Variants in EYS observed in about 807,000 individuals in gnomAD.
EYS encodes the protein protein eyes shut homolog.
EYS carries 250 observed loss-of-function variants against 282.1 expected under a neutral mutation model. The observed-to-expected ratio is 0.89, with a 90% confidence interval of 0.80 to 0.98. EYS has a LOEUF of 0.98. EYS is among the 50% of genes least tolerant of loss of function. The probability of loss-of-function intolerance (pLI) is 0.00; values close to 1 mark genes in which losing one functional copy is unlikely to be tolerated. For missense variants in EYS, 4,016 were observed against 3,709.0 expected, an observed-to-expected ratio of 1.08 and a Z score of -2.15; for synonymous variants, 1,355 against 1,282.9, an observed-to-expected ratio of 1.06 and a Z score of -1.20.
chr6:64,687,548 C>T (rs907778507), intron 22 of EYS, among the ~76,000 whole-genome samples: 1 of 152,126 alleles, frequency 6.6e-6, no homozygotes, highest in Admixed American at 6.5e-5. Flanking sequence ...GTTGAACCAG[C>T]CTTACATCCC....
chr6:63,845,337 C>T (rs2149699744), intron 36 of EYS, among the ~76,000 whole-genome samples: 1 of 151,866 alleles, frequency 6.6e-6, no homozygotes, highest in African/African-American at 2.4e-5. Flanking sequence ...TTACACAACA[C>T]TAACAGTTCA....
At chr6:64,094,291 C>CT (rs200036166) in intron 31 of EYS, among the ~76,000 whole-genome samples, 10,760 of 152,042 alleles carry the variant, frequency 0.071, 519 homozygotes, top group African/African-American at 0.14. Context: ...AGGAGGATTC[C>CT]TTTTTTTTCT....
chr6:63,926,359 A>T (rs893708911), intron 35 of EYS, among the ~76,000 whole-genome samples: 1 of 152,174 alleles, frequency 6.6e-6, no homozygotes, highest in Non-Finnish European at 1.5e-5. Flanking sequence ...AAGGGCCCTT[A>T]GCATTGTTAT....
At chr6:64,327,025 G>C (rs1487219283) in intron 29 of EYS, among the ~76,000 whole-genome samples, 1 of 152,136 alleles carries the variant, frequency 6.6e-6, no homozygotes, top group Non-Finnish European at 1.5e-5. Flanking sequence ...CCACGAGTCA[G>C]AAAGGAAAAC....
chr6:64,558,082 C>A (rs1765286889), intron 26 of EYS, among the ~76,000 whole-genome samples: 1 of 152,018 alleles, frequency 6.6e-6, no homozygotes, highest in Non-Finnish European at 1.5e-5. Flanking sequence ...TTCTCTTTAA[C>A]TTTTGAACTG....
chr6:64,881,979 T>C (rs975142730), intron 19 of EYS, among the ~76,000 whole-genome samples: 1 of 151,800 alleles, frequency 6.6e-6, no homozygotes, highest in Non-Finnish European at 1.5e-5. Flanking sequence ...CAAAGTGCAA[T>C]TTCAATGTGT....
chr6:65,563,897 A>G (rs563305025), intron 2 of EYS, among the ~76,000 whole-genome samples: 14 of 152,148 alleles, frequency 9.2e-5, no homozygotes, highest in Non-Finnish European at 1.8e-4. Flanking sequence ...CTCAGCCCAA[A>G]ATCTCCTTAA....
intron 26 of EYS, among the ~76,000 whole-genome samples, chr6:64,467,427 C>T (rs554701706): frequency 1.3e-5 from 2 of 152,230 alleles, no homozygotes; most frequent in East Asian, 1.9e-4. Context: ...CAATTGTATG[C>T]TTACATCCTG....
intron 13 of EYS, among the ~76,000 whole-genome samples, chr6:65,033,714 T>G (rs1230141271): frequency 6.6e-6 from 1 of 152,186 alleles, no homozygotes; most frequent in Non-Finnish European, 1.5e-5. Context: ...AGAAGCCTGT[T>G]GCAGGGGCAG....
At chr6:63,812,501 GTTAT>G (rs1466479357) in intron 36 of EYS, among the ~76,000 whole-genome samples, 3 of 152,100 alleles carry the variant, frequency 2.0e-5, no homozygotes, top group African/African-American at 7.2e-5. Flanking sequence ...TCCATTATAT[GTTAT>G]TTGTTTACTT....
At chr6:63,788,381 A>G (rs1770422584) in intron 38 of EYS, 132 bp from the exon 39 acceptor site, 3 of 664,178 alleles carry the variant, frequency 4.5e-6, no homozygotes, top group African/African-American at 1.9e-5. Flanking sequence ...AAGAAATAAC[A>G]TGATACCACT....
chr6:65,156,738 G>A (rs969403269), intron 12 of EYS, among the ~76,000 whole-genome samples: 2 of 150,798 alleles, frequency 1.3e-5, no homozygotes, highest in Non-Finnish European at 1.5e-5. Context: ...TTGCTCTTTG[G>A]TACTTAAACT....
At chr6:64,926,554 G>A (rs1412027051) in intron 15 of EYS, among the ~76,000 whole-genome samples, 1 of 152,136 alleles carries the variant, frequency 6.6e-6, no homozygotes, top group Non-Finnish European at 1.5e-5. Flanking sequence ...CATCATGGAG[G>A]CAATCACTCT....
intron 35 of EYS, among the ~76,000 whole-genome samples, chr6:63,962,764 T>C (rs576169635): frequency 6.6e-6 from 1 of 152,288 alleles, no homozygotes; most frequent in Admixed American, 6.5e-5. Context: ...ACTGGGTATA[T>C]ACCCAAAGGA....
At chr6:63,982,783 G>A (rs1040264981) in intron 35 of EYS, among the ~76,000 whole-genome samples, 1 of 151,772 alleles carries the variant, frequency 6.6e-6, no homozygotes, top group Admixed American at 6.6e-5. Context: ...GGCCATAGTA[G>A]GGTATGTTCA....
chr6:64,912,353 T>C (rs759476500), intron 16 of EYS, 131 bp downstream of exon 16: 261 of 677,732 alleles, frequency 3.9e-4, no homozygotes, highest in Non-Finnish European at 5.5e-4. Flanking sequence ...TGAAGTTAGA[T>C]AGTCCCCTAC....
At chr6:64,197,252 G>T (rs1049903549) in intron 31 of EYS, among the ~76,000 whole-genome samples, 1 of 152,006 alleles carries the variant, frequency 6.6e-6, no homozygotes, top group Non-Finnish European at 1.5e-5. Context: ...TGAGAGAGGC[G>T]ATTTTCTTAG....
intron 35 of EYS, among the ~76,000 whole-genome samples, chr6:63,982,175 T>C (rs1767130664): frequency 6.6e-6 from 1 of 151,852 alleles, no homozygotes; most frequent in African/African-American, 2.4e-5. Context: ...GAGTTGGTAA[T>C]GTTAGACACT....
chr6:65,157,976 A>G (rs553378078), intron 12 of EYS, among the ~76,000 whole-genome samples: 1 of 151,016 alleles, frequency 6.6e-6, no homozygotes, highest in East Asian at 2.0e-4. Flanking sequence ...CATTAATGCT[A>G]TGTTATACTA....
Sources: gnomAD v4.1 joint callset for allele counts (sites outside exome capture counted in the v4.1 genomes callset) on GRCh38, gnomAD v4.1.1 for gene constraint, MANE v1.5 for transcripts, NCBI Gene and HGNC (gene_info 2026-07-23, HGNC 2026-07-21) for gene names.